Variants in KATNAL2 observed in about 807,000 individuals in gnomAD.
KATNAL2 encodes the protein katanin catalytic subunit A1 like 2.
In KATNAL2, 52 loss-of-function variants were observed where a neutral mutation model predicts 76.3. The ratio of observed to expected loss-of-function variants is 0.68; its 90% CI spans 0.55 to 0.86. KATNAL2 has a LOEUF of 0.86. Among genes scored for constraint, KATNAL2 ranks in the 40% least tolerant of loss-of-function variants. KATNAL2 has a pLI of 0.00. For synonymous variants in KATNAL2, 243 were observed against 244.2 expected (o/e 1.00, Z 0.05); for missense variants, 660 against 668.9 (o/e 0.99, Z 0.15).
intron 14 of KATNAL2, chr18:47,076,618 ATCAAAGACTCCAAAATTAAGAGTCT>A (rs2147248746): frequency 6.6e-6 from 1 of 152,216 alleles, no homozygotes; most frequent in African/African-American, 2.4e-5. Flanking sequence ...CCTGTCTGGG[ATCAAAGACTCCAAAATTAAGAGTCT>A]TCAAAGGGTC....
At chr18:46,929,502 C>T (rs891035671) in intron 1 of KATNAL2, among the ~76,000 whole-genome samples, 6 of 152,058 alleles carry the variant, frequency 3.9e-5, no homozygotes, top group African/African-American at 7.2e-5. Flanking sequence ...CTCAGCCTCC[C>T]GAAGTGCTGG....
chr18:46,944,983 A>C (rs2059346307), intron 1 of KATNAL2, among the ~76,000 whole-genome samples: 1 of 152,210 alleles, frequency 6.6e-6, no homozygotes, highest in South Asian at 2.1e-4. Context: ...ACTTACATGC[A>C]AGTAGCATGG....
chr18:47,054,102 C>T (rs528052574), intron 5 of KATNAL2, among the ~76,000 whole-genome samples: 7 of 152,322 alleles, frequency 4.6e-5, no homozygotes, highest in Admixed American at 4.6e-4. Context: ...GAAATGGTAG[C>T]TGTAAAGCTA....
At chr18:47,092,708 C>T (rs939106039) in intron 15 of KATNAL2, among the ~76,000 whole-genome samples, 1 of 152,176 alleles carries the variant, frequency 6.6e-6, no homozygotes, top group African/African-American at 2.4e-5. Context: ...TTGTCCTGCA[C>T]CTAGTCTATA....
rs748193727 is a variant in KATNAL2 at position 47,069,624 on chromosome 18, TA to T, written c.1008+29del. The T allele has an allele frequency of 6.0e-5, 91 of 1,505,166 alleles. 1 individual carries two copies. In the South Asian group the frequency reaches 9.3e-4, roughly 15 times the overall value. The allele number at this position is 1,505,166 out of a possible 1,614,324, so 93.2% of individuals were successfully genotyped here. A position where few individuals can be genotyped will look rare whatever the true frequency, so the allele number is the denominator to read the frequency against. ...GGGTAGGAATTCTTAATTTTGTTTT[TA>T]AAAATAAGTTCTAGTGTAATACAGT... On this transcript the variant is annotated intron_variant, in intron 13 of 17. Coordinates refer to ENST00000683218, the MANE Select transcript of KATNAL2 (RefSeq NM_001387690.1).
chr18:47,046,941 C>T (rs1263838207), intron 4 of KATNAL2, among the ~76,000 whole-genome samples: 1 of 152,104 alleles, frequency 6.6e-6, no homozygotes, highest in East Asian at 1.9e-4. Context: ...CCCAGACATA[C>T]ACTTTTTTTT....
intron 3 of KATNAL2, among the ~76,000 whole-genome samples, chr18:47,045,368 C>T (rs2061124960): frequency 6.7e-6 from 1 of 149,072 alleles, no homozygotes; most frequent in Non-Finnish European, 1.5e-5. Context: ...CTCTGTCACC[C>T]AGCTTGGAGT....
chr18:47,045,912 A>G (rs2061142196), intron 3 of KATNAL2, among the ~76,000 whole-genome samples: 1 of 152,184 alleles, frequency 6.6e-6, no homozygotes, highest in South Asian at 2.1e-4. Context: ...ATCATACAGG[A>G]GTTGTCCTTT....
chr18:47,046,366 T>G lies in KATNAL2; in HGVS notation c.52-91T>G, dbSNP rs1187437697. On this transcript the variant is annotated intron_variant, in intron 3 of 17. Coordinates refer to ENST00000683218, the MANE Select transcript of KATNAL2 (RefSeq NM_001387690.1). ...AGCCTTTAAGTCATGCTGCTTGGCT[T>G]TGACAGGTTACATTTACCTTCCAGG... 4 of 842,882 alleles carry G rather than the reference T, an allele frequency of 4.7e-6. No homozygotes were observed. The Admixed American group carries it at 6.3e-5, about 13-fold the overall frequency. The allele number at this position is 842,882 out of a possible 1,614,324, so 52.2% of individuals were successfully genotyped here.
chr18:46,922,978 A>G (rs1184436758), intron 1 of KATNAL2, among the ~76,000 whole-genome samples: 5 of 148,266 alleles, frequency 3.4e-5, no homozygotes, highest in Admixed American at 1.3e-4. Flanking sequence ...TGAAGTAAAC[A>G]CTTCAGTCCA....
intron 15 of KATNAL2, among the ~76,000 whole-genome samples, chr18:47,082,426 A>T (rs1005705579): frequency 1.3e-5 from 2 of 152,228 alleles, no homozygotes; most frequent in African/African-American, 4.8e-5. Flanking sequence ...TAAGGATTTG[A>T]TAAACATCAC....
intron 15 of KATNAL2, among the ~76,000 whole-genome samples, chr18:47,094,131 C>A (rs867624388): frequency 6.6e-6 from 1 of 152,144 alleles, no homozygotes; most frequent in Non-Finnish European, 1.5e-5. Flanking sequence ...TTTGGTCTCT[C>A]TTGTTTGCCT....
chr18:47,046,275 G>A (rs2061154072), intron 3 of KATNAL2, 182 bp from the exon 4 acceptor site: 2 of 581,388 alleles, frequency 3.4e-6, no homozygotes, highest in Admixed American at 6.3e-5. Context: ...TGAGAAGGCA[G>A]CTGTGAGAAG....
rs138919241 is a variant in KATNAL2 at position 47,100,880 on chromosome 18, C to G, written c.1492C>G (p.Pro498Ala). 77 of 1,614,032 alleles carry G rather than the reference C, an allele frequency of 4.8e-5. No homozygotes were observed. Among genetic ancestry groups the G allele is most frequent in the Non-Finnish European group, 6.2e-5 (73 of 1,180,030 alleles). Residue 498 changes from proline (P) to alanine (A), a missense_variant, in exon 18 of 18, where the codon CCC becomes GCC. Physicochemically the swap from Pro to Ala is conservative, Grantham distance 27. Coordinates refer to ENST00000683218, the MANE Select transcript of KATNAL2 (RefSeq NM_001387690.1). ...TCTTATCCTAGAAAGCAGCGACTTACCCAGGATCCAGTTGGATATAGTAAC... is the reference window on the plus strand; with the variant it reads ...TCTTATCCTAGAAAGCAGCGACTTAGCCAGGATCCAGTTGGATATAGTAAC... ...ENHQSESSDL[P>A]RIQLDIVTTA... is the part of the protein sequence containing the mutation.
chr18:47,095,355 C>T (rs775667290), intron 15 of KATNAL2, among the ~76,000 whole-genome samples: 8 of 152,144 alleles, frequency 5.3e-5, no homozygotes, highest in African/African-American at 1.2e-4. Context: ...CTGTCAAGGA[C>T]GGGACCAGGT....
chr18:47,063,458 CATTTAT>C (rs2061696831), intron 10 of KATNAL2, 97 bp downstream of exon 10: 1 of 874,172 alleles, frequency 1.1e-6, no homozygotes. Flanking sequence ...TAAATATGAT[CATTTAT>C]TTATAAAGTG....
At chr18:46,932,429 C>G (rs550726409) in intron 1 of KATNAL2, among the ~76,000 whole-genome samples, 58 of 151,912 alleles carry the variant, frequency 3.8e-4, no homozygotes, top group African/African-American at 1.2e-3. Flanking sequence ...AATTCCAGCA[C>G]TTTAGGAGAC....
At chr18:47,075,194 G>C in intron 13 of KATNAL2, 83 bp from the exon 14 acceptor site, 1 of 1,052,530 alleles carries the variant, frequency 9.5e-7, no homozygotes, top group Non-Finnish European at 1.3e-6. Flanking sequence ...TATTATTACA[G>C]TCATTCTAAG....
chr18:47,099,178 G>A (rs1420147941), intron 15 of KATNAL2, 65 bp from the exon 16 acceptor site: 1 of 1,501,162 alleles, frequency 6.7e-7, no homozygotes, highest in Non-Finnish European at 9.0e-7. Context: ...TGTTCTTAAA[G>A]TACAGTTGTT....
Sources: allele counts gnomAD v4.1 joint callset (sites outside exome capture counted in the v4.1 genomes callset), GRCh38; gene constraint gnomAD v4.1.1; transcripts MANE v1.5; gene names NCBI Gene and HGNC (gene_info 2026-07-23, HGNC 2026-07-21).